NAV2: variants seen among roughly 807,000 people sequenced by gnomAD.
NAV2 encodes helicase, APC down-regulated 1.
A neutral mutation model predicts 223.2 loss-of-function variants in NAV2; 54 were observed. That is an observed-to-expected ratio of 0.24 (90% CI 0.19 to 0.30). The LOEUF is 0.30. NAV2 is among the 10% of genes least tolerant of loss of function. NAV2 has a pLI of 1.00. For missense variants in NAV2, 2,806 were observed against 3,147.5 expected (o/e 0.89, Z 2.60); for synonymous variants, 1,279 against 1,239.3 (o/e 1.03, Z -0.67).
At chr11:19,510,389 C>G (rs2729873) in intron 1 of NAV2, among the ~76,000 whole-genome samples, 121,137 of 152,192 alleles carry the variant, frequency 0.8, 49,074 homozygotes, top group Non-Finnish European at 0.88. Flanking sequence ...ATACTGATTT[C>G]TTGTCTCCTT....
At chr11:19,947,530 T>C (rs1367050686) in intron 9 of NAV2, among the ~76,000 whole-genome samples, 1 of 152,206 alleles carries the variant, frequency 6.6e-6, no homozygotes. Context: ...AATGTTGGCA[T>C]AGCAGTTTGA....
chr11:19,804,057 G>T (rs549257817), intron 1 of NAV2, among the ~76,000 whole-genome samples: 1 of 152,268 alleles, frequency 6.6e-6, no homozygotes, highest in East Asian at 1.9e-4. Flanking sequence ...TCTGAATCCA[G>T]GTCTACTCAT....
At chr11:19,444,468 C>T (rs1851512351) in intron 1 of NAV2, among the ~76,000 whole-genome samples, 1 of 152,110 alleles carries the variant, frequency 6.6e-6, no homozygotes. Context: ...CAGATGGGCT[C>T]ATAAAATGTT....
intron 1 of NAV2, among the ~76,000 whole-genome samples, chr11:19,451,440 C>T (rs1011979637): frequency 2.6e-5 from 4 of 152,214 alleles, no homozygotes; most frequent in Non-Finnish European, 4.4e-5. Context: ...CTCCTTCCTT[C>T]CCTGCATCCT....
intron 1 of NAV2, among the ~76,000 whole-genome samples, chr11:19,466,097 A>G (rs1852338575): frequency 6.6e-6 from 1 of 152,312 alleles, no homozygotes; most frequent in African/African-American, 2.4e-5. Flanking sequence ...GATGACGATG[A>G]TAATGTTGGT....
At chr11:19,569,390 G>A (rs149259744) in intron 1 of NAV2, among the ~76,000 whole-genome samples, 3 of 152,270 alleles carry the variant, frequency 2.0e-5, no homozygotes, top group African/African-American at 7.2e-5. Flanking sequence ...ACCCCATGAG[G>A]GCAAACGACC....
chr11:19,466,984 T>TACACAC lies in NAV2; in HGVS notation c.75+115987_75+115992dup, dbSNP rs3042688. Among the ~76,000 whole-genome samples the TACACAC allele has an allele frequency of 8.3e-3, 1,043 of 125,094 alleles. 7 individuals are homozygous for TACACAC. Among genetic ancestry groups the TACACAC allele is most frequent in the African/African-American group, 0.015 (484 of 32,656 alleles). The allele number at this position is 125,094 out of a possible 152,430, so 82.1% of individuals were successfully genotyped here. ...TCTTGTTCTCTCTTCTCTCTCTCTC[T>TACACAC]ACACACACACACACACACACACACA... On this transcript the variant is annotated intron_variant, in intron 1 of 37. Transcript: ENST00000360655.
Position 19,880,146 on chromosome 11 carries a change from C to G in NAV2, c.770+19C>G. The G allele has an allele frequency of 6.5e-7, 1 of 1,545,248 alleles. No individual in the cohort carries two copies. Among genetic ancestry groups the G allele is most frequent in the South Asian group, 1.3e-5 (1 of 79,654 alleles). Reference sequence around the variant, plus strand: ...AGTCCAGGTGGGGGCTCCTTGCCAACTGATGGTTCTGTTTTTCAGGCACCT... The same window carrying G: ...AGTCCAGGTGGGGGCTCCTTGCCAAGTGATGGTTCTGTTTTTCAGGCACCT... On this transcript the variant is annotated intron_variant, in intron 5 of 37. Transcript: ENST00000349880.
intron 1 of NAV2, among the ~76,000 whole-genome samples, chr11:19,393,106 C>A (rs1332297993): frequency 6.6e-6 from 1 of 152,220 alleles, no homozygotes; most frequent in Non-Finnish European, 1.5e-5. Flanking sequence ...GATCTAACCC[C>A]TGCAGCCTAA....
Position 19,829,280 on chromosome 11 carries a change from A to G in NAV2, c.268-3204A>G, listed in dbSNP as rs78933903. ...GAGCAGTGTGGTGCATCCCCTAGTT[A>G]GGGAAGGAAGCCTTGCTTTATATAC... On this transcript the variant is annotated intron_variant, in intron 1 of 37. Transcript: ENST00000349880. Among the ~76,000 whole-genome samples, 855 of 152,316 alleles carry G rather than the reference A, an allele frequency of 5.6e-3. 9 individuals are homozygous for G. The highest frequency in any genetic ancestry group is 0.02 in the African/African-American group (821 of 41,572).
chr11:19,754,522 A>G (rs1443493632), intron 1 of NAV2, among the ~76,000 whole-genome samples: 1 of 152,228 alleles, frequency 6.6e-6, no homozygotes, highest in Non-Finnish European at 1.5e-5. Flanking sequence ...CTGAGGCTGA[A>G]GCAAACATTT....
chr11:19,456,280 G>A (rs946657688), intron 1 of NAV2, among the ~76,000 whole-genome samples: 3 of 152,300 alleles, frequency 2.0e-5, no homozygotes, highest in East Asian at 3.9e-4. Flanking sequence ...CATCTAAAGG[G>A]CACTGACTGT....
At chr11:19,607,418 C>A (rs1385848921) in intron 1 of NAV2, among the ~76,000 whole-genome samples, 1 of 152,182 alleles carries the variant, frequency 6.6e-6, no homozygotes, top group African/African-American at 2.4e-5. Flanking sequence ...CACTGGTGAG[C>A]AGAAGAGGCA....
intron 1 of NAV2, among the ~76,000 whole-genome samples, chr11:19,620,151 T>C (rs1330798413): frequency 2.0e-5 from 3 of 152,182 alleles, no homozygotes; most frequent in African/African-American, 7.2e-5. Context: ...CATGCTGTTT[T>C]GGTTACTGTA....
At chr11:19,433,020 A>T (rs768246599) in intron 1 of NAV2, among the ~76,000 whole-genome samples, 6 of 152,174 alleles carry the variant, frequency 3.9e-5, no homozygotes, top group Non-Finnish European at 7.3e-5. Context: ...TTCAGTTTTC[A>T]CTGGACATTG....
At chr11:19,682,309 C>T (rs940474605) in intron 1 of NAV2, among the ~76,000 whole-genome samples, 2 of 152,218 alleles carry the variant, frequency 1.3e-5, no homozygotes, top group African/African-American at 2.4e-5. Flanking sequence ...TTTTTACACA[C>T]ATGCCTTATC....
chr11:19,972,052 C>G (rs1475499932), intron 10 of NAV2, among the ~76,000 whole-genome samples: 1 of 152,152 alleles, frequency 6.6e-6, no homozygotes, highest in African/African-American at 2.4e-5. Flanking sequence ...AGATCTCACA[C>G]CCTGACTTGG....
intron 1 of NAV2, among the ~76,000 whole-genome samples, chr11:19,523,302 G>T (rs1807587920): frequency 6.6e-6 from 1 of 152,190 alleles, no homozygotes; most frequent in African/African-American, 2.4e-5. Flanking sequence ...CCCTTGACCA[G>T]GAAAGCCTTG....
intron 1 of NAV2, among the ~76,000 whole-genome samples, chr11:19,562,038 G>T (rs921396480): frequency 6.6e-6 from 1 of 152,184 alleles, no homozygotes; most frequent in Admixed American, 6.5e-5. Flanking sequence ...AGCCTCTGGG[G>T]GTGAGGGCCT....
Sources: gnomAD v4.1 joint callset for allele counts (sites outside exome capture counted in the v4.1 genomes callset) on GRCh38, gnomAD v4.1.1 for gene constraint, MANE v1.5 for transcripts, NCBI Gene and HGNC (gene_info 2026-07-23, HGNC 2026-07-21) for gene names.